HRH1: variants seen among roughly 807,000 people sequenced by gnomAD.
HRH1 encodes the protein histamine receptor H1.
In HRH1, 6 loss-of-function variants were observed where a neutral mutation model predicts 10.3. The ratio of observed to expected loss-of-function variants is 0.58; its 90% confidence interval spans 0.32 to 1.15. The LOEUF (loss-of-function observed/expected upper bound fraction) is 1.15. Among genes scored for constraint, HRH1 ranks in the 50% most tolerant of loss-of-function variants. The pLI is 0.05. For synonymous variants in HRH1, 242 were observed against 236.7 expected (o/e 1.02, Z -0.21); for missense variants, 514 against 615.3 (o/e 0.84, Z 1.74).
intron 1 of HRH1, among the ~76,000 whole-genome samples, chr3:11,233,581 G>A (rs1939098599): frequency 6.6e-6 from 1 of 152,116 alleles, no homozygotes; most frequent in South Asian, 2.1e-4. Context: ...CCCCAAACCA[G>A]GGCTTTCAGA....
chr3:11,181,625 C>CT (rs1375364756), intron 1 of HRH1, among the ~76,000 whole-genome samples: 1 of 137,422 alleles, frequency 7.3e-6, no homozygotes, highest in Non-Finnish European at 1.5e-5. Context: ...AGATCCCTTG[C>CT]TCTTTTTTTT....
At chr3:11,255,466 A>G (rs1474108175) in intron 1 of HRH1, among the ~76,000 whole-genome samples, 1 of 152,124 alleles carries the variant, frequency 6.6e-6, no homozygotes, top group East Asian at 1.9e-4. Context: ...CCCTGAGACA[A>G]TACTTCCTTA....
At chr3:11,194,321 A>T (rs1476514982) in intron 1 of HRH1, among the ~76,000 whole-genome samples, 1 of 152,336 alleles carries the variant, frequency 6.6e-6, no homozygotes, top group South Asian at 2.1e-4. Context: ...TAGCTTTTTC[A>T]ACAGTGAAAT....
At chr3:11,181,499 G>A (rs1937352020) in intron 1 of HRH1, among the ~76,000 whole-genome samples, 2 of 150,170 alleles carry the variant, frequency 1.3e-5, no homozygotes, top group South Asian at 4.2e-4. Context: ...CGACCCTAGT[G>A]TGTAGGAAGT....
At chr3:11,208,911 C>T (rs186175918) in intron 1 of HRH1, among the ~76,000 whole-genome samples, 271 of 152,246 alleles carry the variant, frequency 1.8e-3, no homozygotes, top group South Asian at 4.4e-3. Context: ...AGAATATGTA[C>T]ATTTTAAAGA....
chr3:11,240,429 T>G (rs1939301387), intron 1 of HRH1, among the ~76,000 whole-genome samples: 1 of 152,036 alleles, frequency 6.6e-6, no homozygotes, highest in Non-Finnish European at 1.5e-5. Context: ...GAGTGGCAGC[T>G]GCCCTCTTCA....
chr3:11,184,901 G>C (rs891974894), intron 1 of HRH1, among the ~76,000 whole-genome samples: 3 of 134,768 alleles, frequency 2.2e-5, no homozygotes, highest in African/African-American at 8.4e-5. Context: ...CTGGGCAACA[G>C]AGCCAGACTC....
At chr3:11,176,583 A>G (rs1937253524) in intron 1 of HRH1, among the ~76,000 whole-genome samples, 1 of 152,218 alleles carries the variant, frequency 6.6e-6, no homozygotes, top group Non-Finnish European at 1.5e-5. Flanking sequence ...ATGGCCTACT[A>G]GCGGACCTGA....
At chr3:11,147,130 A>G (rs1418802667) in intron 1 of HRH1, among the ~76,000 whole-genome samples, 5 of 152,176 alleles carry the variant, frequency 3.3e-5, no homozygotes, top group Admixed American at 2.0e-4. Flanking sequence ...CTGAAATTTG[A>G]CCACAGTCCC....
Position 11,261,650 on chromosome 3 carries a change from A to G in HRH1, c.*1149A>G, listed in dbSNP as rs1464007363. 1 of 165,636 alleles carries G rather than the reference A, an allele frequency of 6.0e-6. No homozygotes were observed. Among genetic ancestry groups the G allele is most frequent in the African/African-American group, 2.4e-5 (1 of 41,452 alleles). The allele number at this position is 165,636 out of a possible 1,614,324, so 10.3% of individuals were successfully genotyped here. ...CCAGGAGTTCAAGACCAGTCTGGCC[A>G]ATATGGAGAAACCTTGTCTCTACTA... On this transcript the variant is annotated 3_prime_UTR_variant, in exon 2 of 2. Transcript: ENST00000431010.
intron 1 of HRH1, among the ~76,000 whole-genome samples, chr3:11,142,719 C>G (rs1033564128): frequency 3.9e-5 from 6 of 152,108 alleles, no homozygotes; most frequent in African/African-American, 1.4e-4. Flanking sequence ...TCAAGACCAG[C>G]TTGGCCAACA....
intron 1 of HRH1, among the ~76,000 whole-genome samples, chr3:11,222,056 T>A (rs774183571): frequency 6.6e-6 from 1 of 152,214 alleles, no homozygotes; most frequent in Non-Finnish European, 1.5e-5. Context: ...GCTATGAACA[T>A]GAGTATATCA....
At chr3:11,143,106 G>A (rs1024776056) in intron 1 of HRH1, among the ~76,000 whole-genome samples, 7 of 152,104 alleles carry the variant, frequency 4.6e-5, no homozygotes, top group Non-Finnish European at 7.4e-5. Flanking sequence ...CAGAGGGGAC[G>A]CAGGGGTCAG....
At chr3:11,220,613 TG>T (rs1243649035) in intron 1 of HRH1, among the ~76,000 whole-genome samples, 1 of 152,202 alleles carries the variant, frequency 6.6e-6, no homozygotes, top group Non-Finnish European at 1.5e-5. Context: ...CGTCATCCTG[TG>T]CAGGGAAGAT....
intron 1 of HRH1, among the ~76,000 whole-genome samples, chr3:11,149,269 A>G (rs142792663): frequency 3.5e-4 from 53 of 152,334 alleles, no homozygotes; most frequent in South Asian, 2.9e-3. Context: ...GCCACTGTGT[A>G]TAGCTTTTGC....
At chr3:11,200,653 C>T (rs992582520) in intron 1 of HRH1, among the ~76,000 whole-genome samples, 1 of 152,202 alleles carries the variant, frequency 6.6e-6, no homozygotes, top group Non-Finnish European at 1.5e-5. Flanking sequence ...ATACCTCGCA[C>T]AGAGTAGAAA....
intron 1 of HRH1, among the ~76,000 whole-genome samples, chr3:11,208,424 T>C (rs1938215197): frequency 6.6e-6 from 1 of 152,210 alleles, no homozygotes; most frequent in Admixed American, 6.5e-5. Flanking sequence ...AGTGCTGGAA[T>C]TACAGGCATG....
chr3:11,168,077 G>C (rs1287391327), intron 1 of HRH1, among the ~76,000 whole-genome samples: 1 of 152,144 alleles, frequency 6.6e-6, no homozygotes, highest in African/African-American at 2.4e-5. Context: ...TTCTACGTAG[G>C]GTGGGATGGG....
chr3:11,227,448 G>A (rs1188206479), intron 1 of HRH1, among the ~76,000 whole-genome samples: 1 of 152,046 alleles, frequency 6.6e-6, no homozygotes, highest in Non-Finnish European at 1.5e-5. Flanking sequence ...CACCACGCCT[G>A]GCTAATTTTT....
Sources: allele counts gnomAD v4.1 joint callset (sites outside exome capture counted in the v4.1 genomes callset), GRCh38; gene constraint gnomAD v4.1.1; transcripts MANE v1.5; gene names NCBI Gene and HGNC (gene_info 2026-07-23, HGNC 2026-07-21).